The following INSL6 variants were observed in gnomAD, a reference collection of about 807,000 sequenced individuals.
INSL6 encodes the protein insulin like 6.
Under a neutral mutation model 9.4 loss-of-function variants are expected in INSL6, and 16 were observed. The ratio of observed to expected loss-of-function variants is 1.70; its 90% CI spans 1.15 to 2.59. INSL6 has a LOEUF of 2.59. Ranked by LOEUF, INSL6 falls within the 30% of genes most tolerant of loss-of-function variation. INSL6 has a pLI of 0.00. For synonymous variants in INSL6, 154 were observed against 96.9 expected (o/e 1.59, Z -3.46); for missense variants, 391 against 257.3 (o/e 1.52, Z -3.56).
the INSL6 span, among the ~76,000 whole-genome samples, chr9:5,105,307 T>C: frequency 6.6e-6 from 1 of 152,124 alleles, no homozygotes; most frequent in African/African-American, 2.4e-5. Context: ...CTATTCACAA[T>C]TGCTACAAAG....
the INSL6 span, among the ~76,000 whole-genome samples, chr9:4,998,353 T>C: frequency 8.5e-5 from 13 of 152,048 alleles, no homozygotes; most frequent in Non-Finnish European, 2.9e-5. Context: ...GCCTCCCAGA[T>C]TCAAGCAATT....
At chr9:5,083,263 CTCTG>C in the INSL6 span, among the ~76,000 whole-genome samples, 1 of 152,180 alleles carries the variant, frequency 6.6e-6, no homozygotes, top group African/African-American at 2.4e-5. Flanking sequence ...CTAGCAGAGA[CTCTG>C]TCTATTAAAA....
At chr9:5,041,067 C>G in the INSL6 span, 2 of 692,130 alleles carry the variant, frequency 2.9e-6, no homozygotes, top group Non-Finnish European at 2.6e-6. Flanking sequence ...GGGCGTCCCT[C>G]AGGTCTACTA....
the INSL6 span, chr9:5,099,118 G>A: frequency 1.3e-5 from 2 of 152,170 alleles, no homozygotes; most frequent in Admixed American, 6.5e-5. Context: ...AATCTCATCT[G>A]AAGACATCCT....
At chr9:5,117,753 T>G in the INSL6 span, among the ~76,000 whole-genome samples, 1 of 152,074 alleles carries the variant, frequency 6.6e-6, no homozygotes, top group African/African-American at 2.4e-5. Context: ...AAACAAAAGT[T>G]TTTTGGCAAC....
At chr9:5,142,711 C>T (rs961270556) in intron 2 of INSL6, among the ~76,000 whole-genome samples, 2 of 152,136 alleles carry the variant, frequency 1.3e-5, no homozygotes, top group East Asian at 3.8e-4. Context: ...GCCTGATCAC[C>T]CTGGCCAGAA....
chr9:5,123,167 G>C (rs1823745807), downstream of INSL6: 7 of 1,317,618 alleles, frequency 5.3e-6, 2 homozygotes, highest in Middle Eastern at 5.6e-4. Flanking sequence ...TTGTTCGTTT[G>C]ATTTTTATAA....
At chr9:5,137,773 A>G (rs1364562487) in intron 2 of INSL6, among the ~76,000 whole-genome samples, 1 of 152,228 alleles carries the variant, frequency 6.6e-6, no homozygotes, top group Non-Finnish European at 1.5e-5. Flanking sequence ...CTGTACAGCA[A>G]AAGAAACTAT....
chr9:5,125,620 A>T (rs889838612), intron 3 of INSL6, among the ~76,000 whole-genome samples: 1 of 147,178 alleles, frequency 6.8e-6, no homozygotes, highest in Non-Finnish European at 1.5e-5. Context: ...CTCAACAGCA[A>T]TGCATAGGGA....
the INSL6 span, among the ~76,000 whole-genome samples, chr9:5,065,887 G>C: frequency 1.7e-4 from 26 of 152,194 alleles, 1 homozygote; most frequent in East Asian, 4.8e-3. Flanking sequence ...ATAAAGAGTT[G>C]ATTTAGTCTA....
At chr9:5,114,178 C>T in the INSL6 span, 12 of 437,862 alleles carry the variant, frequency 2.7e-5, no homozygotes, top group Admixed American at 8.9e-5. Context: ...GATTCTAACC[C>T]GCAAGGGGTG....
chr9:5,085,936 C>A, the INSL6 span: 1 of 1,112,044 alleles, frequency 9.0e-7, no homozygotes, highest in South Asian at 1.2e-5. Flanking sequence ...TCTCTCCAAC[C>A]GAGTTTGAAA....
chr9:5,099,041 G>A, the INSL6 span: 1 of 152,026 alleles, frequency 6.6e-6, no homozygotes, highest in African/African-American at 2.4e-5. Flanking sequence ...TTAAAACCAG[G>A]AGAACTTCGA....
intron 1 of INSL6, among the ~76,000 whole-genome samples, chr9:5,181,406 A>G (rs1825448843): frequency 6.6e-6 from 1 of 152,172 alleles, no homozygotes. Context: ...AGTGAGAAAA[A>G]TAATTGATTA....
At chr9:5,135,723 A>G (rs1315450604) in intron 2 of INSL6, among the ~76,000 whole-genome samples, 1 of 152,192 alleles carries the variant, frequency 6.6e-6, no homozygotes, top group Non-Finnish European at 1.5e-5. Context: ...CTAGAGAAAC[A>G]AGAGCAAACA....
chr9:5,161,041 A>G (rs966737900), downstream of INSL6, among the ~76,000 whole-genome samples: 1 of 152,154 alleles, frequency 6.6e-6, no homozygotes, highest in African/African-American at 2.4e-5. Context: ...ACTCAAACTA[A>G]TCCAAAAAGT....
chr9:5,065,439 T>C, the INSL6 span, among the ~76,000 whole-genome samples: 1 of 152,348 alleles, frequency 6.6e-6, no homozygotes, highest in South Asian at 2.1e-4. Context: ...AAACACAAGA[T>C]ATATATGATG....
chr9:5,184,988 T>A (rs1473488172), intron 1 of INSL6, among the ~76,000 whole-genome samples: 2 of 152,172 alleles, frequency 1.3e-5, no homozygotes, highest in Admixed American at 6.5e-5. Context: ...AAAAGGTCAA[T>A]GATGACTTCA....
At chr9:5,104,173 T>A in the INSL6 span, among the ~76,000 whole-genome samples, 1 of 151,750 alleles carries the variant, frequency 6.6e-6, no homozygotes, top group Non-Finnish European at 1.5e-5. Context: ...CTAGCAAGAC[T>A]AATAAAGAAG....
Sources: gnomAD v4.1 joint callset for allele counts (sites outside exome capture counted in the v4.1 genomes callset) on GRCh38, gnomAD v4.1.1 for gene constraint, MANE v1.5 for transcripts, NCBI Gene and HGNC (gene_info 2026-07-23, HGNC 2026-07-21) for gene names.